The following GPC5 variants were observed in gnomAD, a reference collection of about 807,000 sequenced individuals.
GPC5 encodes the protein glypican 5.
GPC5 carries 47 observed loss-of-function variants against 53.9 expected under a neutral mutation model. The ratio of observed to expected loss-of-function variants is 0.87; its 90% CI spans 0.69 to 1.11. GPC5 has a LOEUF of 1.11. Among genes scored for constraint, GPC5 ranks in the 50% most tolerant of loss-of-function variants. The pLI is 0.00. For synonymous variants in GPC5, 286 were observed against 263.3 expected (o/e 1.09, Z -0.84); for missense variants, 748 against 713.1 (o/e 1.05, Z -0.56).
intron 7 of GPC5, among the ~76,000 whole-genome samples, chr13:92,396,638 G>T (rs1169195307): frequency 6.6e-6 from 1 of 152,048 alleles, no homozygotes; most frequent in African/African-American, 2.4e-5. Flanking sequence ...TCACTTAGGC[G>T]TTAAGCCCCA....
chr13:92,729,966 G>T (rs1888755557), intron 7 of GPC5, among the ~76,000 whole-genome samples: 1 of 151,338 alleles, frequency 6.6e-6, no homozygotes, highest in Admixed American at 6.6e-5. Flanking sequence ...ACATTGTTAA[G>T]TATGCTAGAG....
intron 6 of GPC5, among the ~76,000 whole-genome samples, chr13:92,073,006 G>A (rs2041225494): frequency 6.6e-6 from 1 of 150,580 alleles, no homozygotes; most frequent in Non-Finnish European, 1.5e-5. Context: ...TTTTGGATTT[G>A]CTTGTGTTTT....
intron 3 of GPC5, among the ~76,000 whole-genome samples, chr13:91,711,199 C>G (rs2036217822): frequency 6.6e-6 from 1 of 152,056 alleles, no homozygotes; most frequent in Admixed American, 6.6e-5. Flanking sequence ...AGACTTGGAA[C>G]CAACTCAGAT....
intron 7 of GPC5, among the ~76,000 whole-genome samples, chr13:92,594,757 G>C (rs572770996): frequency 6.6e-6 from 1 of 152,288 alleles, no homozygotes; most frequent in Admixed American, 6.5e-5. Context: ...CACTTGAAAT[G>C]AAACGTCCCC....
intron 6 of GPC5, among the ~76,000 whole-genome samples, chr13:91,965,677 C>T (rs1325155163): frequency 1.3e-5 from 2 of 152,138 alleles, no homozygotes; most frequent in African/African-American, 4.8e-5. Context: ...GGAAAATCAG[C>T]AACCAGAAAG....
intron 2 of GPC5, among the ~76,000 whole-genome samples, chr13:91,496,904 A>G (rs1054551443): frequency 6.6e-6 from 1 of 152,158 alleles, no homozygotes; most frequent in African/African-American, 2.4e-5. Context: ...ATATGCACCT[A>G]ATATGTACCC....
chr13:91,637,560 T>C (rs2034315197), intron 2 of GPC5, among the ~76,000 whole-genome samples: 1 of 152,106 alleles, frequency 6.6e-6, no homozygotes, highest in African/African-American at 2.4e-5. Context: ...GAAGTGATAG[T>C]TGAGTTCAAG....
intron 6 of GPC5, among the ~76,000 whole-genome samples, chr13:92,006,572 C>T (rs1030041928): frequency 2.0e-5 from 3 of 152,144 alleles, no homozygotes; most frequent in African/African-American, 7.2e-5. Context: ...CTCCTAATGT[C>T]GATTCATACC....
chr13:91,434,071 G>A (rs1008636198), intron 1 of GPC5, among the ~76,000 whole-genome samples: 3 of 152,134 alleles, frequency 2.0e-5, no homozygotes, highest in Non-Finnish European at 2.9e-5. Context: ...TTGTAAATTT[G>A]TTGGAGTTTG....
chr13:91,469,684 T>G (rs1882485151), intron 2 of GPC5, among the ~76,000 whole-genome samples: 1 of 152,218 alleles, frequency 6.6e-6, no homozygotes, highest in Admixed American at 6.6e-5. Context: ...TACTCTCTTC[T>G]GATTTACTGC....
rs562266024 is a variant in GPC5, at chr13:91,973,604, A to G, written c.1401+65547A>G. ...TTTCCCCATCTTTGTGGTTTTATCT[A>G]CTTTTGGTCTTTGATGATGGTGATG... is the stretch of plus-strand genomic sequence containing the variant. On this transcript the variant is annotated intron_variant, in intron 6 of 7. Coordinates refer to ENST00000377067, the MANE Select transcript of GPC5 (RefSeq NM_004466.6). Among the ~76,000 whole-genome samples, 586 of 152,026 alleles carry G rather than the reference A, an allele frequency of 3.9e-3. 1 individual carries two copies. The highest frequency in any genetic ancestry group is 0.013 in the African/African-American group (553 of 41,472).
chr13:91,740,195 G>A (rs1187167442), intron 4 of GPC5, among the ~76,000 whole-genome samples: 3 of 152,146 alleles, frequency 2.0e-5, no homozygotes, highest in Non-Finnish European at 4.4e-5. Flanking sequence ...TAGGGAATCT[G>A]ACCTAGAGAT....
intron 7 of GPC5, among the ~76,000 whole-genome samples, chr13:92,783,386 G>A (rs753549537): frequency 6.6e-5 from 10 of 152,190 alleles, no homozygotes; most frequent in Non-Finnish European, 1.2e-4. Context: ...ATATTGTGAA[G>A]AAATGTCATA....
At chr13:92,114,109 A>G (rs1295684310) in intron 6 of GPC5, among the ~76,000 whole-genome samples, 3 of 152,180 alleles carry the variant, frequency 2.0e-5, no homozygotes, top group Non-Finnish European at 4.4e-5. Context: ...AATGTTTCCA[A>G]ATATAATGGT....
chr13:91,585,698 G>T (rs906005111), intron 2 of GPC5, among the ~76,000 whole-genome samples: 2 of 152,182 alleles, frequency 1.3e-5, no homozygotes, highest in Non-Finnish European at 2.9e-5. Context: ...GGTGCTTTTT[G>T]TGAGTGTTTG....
At chr13:92,425,790 C>T (rs1046909803) in intron 7 of GPC5, among the ~76,000 whole-genome samples, 4 of 151,996 alleles carry the variant, frequency 2.6e-5, no homozygotes, top group African/African-American at 9.7e-5. Context: ...ACTGCTTCTC[C>T]CTTCAAAATA....
chr13:92,105,786 G>T (rs113518132), intron 6 of GPC5, among the ~76,000 whole-genome samples: 4,511 of 151,720 alleles, frequency 0.03, 227 homozygotes, highest in African/African-American at 0.1. Context: ...TTTGTATTTT[G>T]TACCTATATA....
chr13:91,398,947 C>G lies in GPC5; in HGVS notation c.-100C>G. 3.5e-6 allele frequency: 5 copies of G among 1,431,210 alleles called. No individual in the cohort carries two copies. The highest frequency in any genetic ancestry group is 4.6e-6 in the Non-Finnish European group (5 of 1,079,264). 88.7% of individuals were successfully genotyped at this position (1,431,210 alleles called of 1,614,324 possible). On this transcript the variant is annotated 5_prime_UTR_variant, in exon 1 of 8. Coordinates refer to ENST00000377067, the MANE Select transcript of GPC5 (RefSeq NM_004466.6). ...CACCCCGCAGCCGGCTCGCACCGCT[C>G]GAGAGCCTCGGCCGCTGTGTCTTCC...
At chr13:92,329,329 C>G (rs76157419) in intron 7 of GPC5, among the ~76,000 whole-genome samples, 2,671 of 152,132 alleles carry the variant, frequency 0.018, 87 homozygotes, top group African/African-American at 0.061. Context: ...CATCACATGT[C>G]AAGAGCAGGA....
Sources: gnomAD v4.1 joint callset for allele counts (sites outside exome capture counted in the v4.1 genomes callset) on GRCh38, gnomAD v4.1.1 for gene constraint, MANE v1.5 for transcripts, NCBI Gene and HGNC (gene_info 2026-07-23, HGNC 2026-07-21) for gene names.